Variants in BCAS3 observed in about 807,000 individuals in gnomAD.
BCAS3 encodes the protein BCAS4/BCAS3 fusion.
Under a neutral mutation model 116.1 loss-of-function variants are expected in BCAS3, and 53 were observed. The observed-to-expected ratio is 0.46, with a 90% CI of 0.37 to 0.57. The LOEUF is 0.57. Ranked by LOEUF, BCAS3 falls within the 20% of genes least tolerant of loss-of-function variation. The probability of loss-of-function intolerance (pLI) is 0.00; values close to 1 mark genes in which losing one functional copy is unlikely to be tolerated. For synonymous variants in BCAS3, 391 were observed against 408.2 expected (o/e 0.96, Z 0.51); for missense variants, 917 against 1,165.4 (o/e 0.79, Z 3.10).
rs188240751 is a variant in BCAS3, at chr17:61,362,255, G to T, written c.2426-6072G>T. Among the ~76,000 whole-genome samples, 6 of 152,306 alleles carry T rather than the reference G, an allele frequency of 3.9e-5. No individual in the cohort carries two copies. The East Asian group carries it at 1.2e-3, about 29-fold the overall frequency. Reference sequence around the variant, plus strand: ...CACTGGTTCCCCTCATCATGCCTGGGATCATTTCTTAGTTATTGTAGACGT... The same window carrying T: ...CACTGGTTCCCCTCATCATGCCTGGTATCATTTCTTAGTTATTGTAGACGT... On this transcript the variant is annotated intron_variant, in intron 22 of 23. Transcript: ENST00000407086. The surrounding 1 kb of genome is among the most constrained non-coding windows in gnomAD (Gnocchi z 4.4).
chr17:60,976,020 C>CTTTTTTTTTTTTATTTTTTTTTTTTTTT (rs2062329877), intron 14 of BCAS3, among the ~76,000 whole-genome samples: 1 of 98,284 alleles, frequency 1.0e-5, no homozygotes, highest in African/African-American at 4.2e-5. Flanking sequence ...TAGATTTTTG[C>CTTTTTTTTTTTTATTTTTTTTTTTTTTT]TTTTTTTTTT....
intron 22 of BCAS3, among the ~76,000 whole-genome samples, chr17:61,115,880 G>A (rs1009779923): frequency 1.3e-5 from 2 of 151,506 alleles, no homozygotes; most frequent in African/African-American, 4.9e-5. Context: ...AGAAAATGTG[G>A]CACATATACA....
intron 6 of BCAS3, among the ~76,000 whole-genome samples, chr17:60,796,866 T>C (rs951507608): frequency 6.6e-6 from 1 of 152,174 alleles, no homozygotes; most frequent in African/African-American, 2.4e-5. Flanking sequence ...AACTTTCCTC[T>C]TAGCACCGCC....
chr17:61,236,060 G>C (rs535989899), intron 22 of BCAS3, among the ~76,000 whole-genome samples: 5 of 152,156 alleles, frequency 3.3e-5, no homozygotes, highest in African/African-American at 9.7e-5. Flanking sequence ...CTGGATCTTC[G>C]TTTGTCAGGC....
At chr17:60,862,273 T>C (rs2054221079) in intron 7 of BCAS3, among the ~76,000 whole-genome samples, 1 of 152,100 alleles carries the variant, frequency 6.6e-6, no homozygotes, top group Non-Finnish European at 1.5e-5. Flanking sequence ...ACAGGGAGAC[T>C]CTGTCTCAAA....
chr17:60,752,903 G>A lies in BCAS3; in HGVS notation c.403+5624G>A, dbSNP rs535757307. 2.6e-5 allele frequency among the ~76,000 whole-genome samples: 4 copies of A among 152,234 alleles called. No individual in the cohort carries two copies. The South Asian group carries it at 8.3e-4, about 32-fold the overall frequency. On this transcript the variant is annotated intron_variant, in intron 6 of 23. Coordinates refer to ENST00000407086, the MANE Select transcript of BCAS3 (RefSeq NM_017679.5). The stretch of plus-strand genomic sequence containing the variant: ...TTTGTGGCCCAGGCTGGGATGCAGT[G>A]GTGTGATCCTAGCTCACTGAAGCCT...
In BCAS3 at chr17:61,259,758, A is replaced by G. The variant is rs866950736; in HGVS notation, c.2426-108569A>G. Among the ~76,000 whole-genome samples, 3 of 152,298 alleles carry G rather than the reference A, an allele frequency of 2.0e-5. No homozygotes were observed. In the Middle Eastern group the frequency reaches 0.01, roughly 518 times the overall value. The stretch of plus-strand genomic sequence containing the variant: ...AATCATATTGGAGATCTCCCTGGAC[A>G]TCAGACACTTGCTATCATTTCTGTT... On this transcript the variant is annotated intron_variant, in intron 22 of 23. Transcript: ENST00000407086. This position sits in a 1 kb window ranked among gnomAD's most constrained non-coding sequence, Gnocchi z 4.7.
At chr17:61,301,622 C>A (rs1038891344) in intron 22 of BCAS3, among the ~76,000 whole-genome samples, 1 of 152,122 alleles carries the variant, frequency 6.6e-6, no homozygotes, top group Non-Finnish European at 1.5e-5. Context: ...CAGTGAGAGA[C>A]TCTGTCTCAA....
rs1447601964 is a variant in BCAS3, at chr17:61,034,667, A to G, written c.1639A>G (p.Lys547Glu). 1 of 1,598,554 alleles carries G rather than the reference A, an allele frequency of 6.3e-7. No homozygotes were observed. Among genetic ancestry groups the G allele is most frequent in the Non-Finnish European group, 8.5e-7 (1 of 1,172,624 alleles). Residue 547 changes from lysine (K) to glutamate (E), a missense_variant and splice_region_variant, in exon 17 of 24, where the codon AAA becomes GAA. By Grantham distance (56) the Lys-to-Glu change is moderately conservative. Around this residue, in one of 3 missense-constraint regions of BCAS3, gnomAD observed 807 missense variants for 1,026.0 expected, o/e 0.79. Coordinates refer to ENST00000407086, the MANE Select transcript of BCAS3 (RefSeq NM_017679.5). This position sits in a 1 kb window ranked among gnomAD's most constrained non-coding sequence, Gnocchi z 5.0. Reference protein sequence around the residue: ...TLGTITKRTGKVKPPPQISPS... With the variant: ...TLGTITKRTGEVKPPPQISPS... ...TTTACTCTTATTTTATTTTTTAAGC[A>G]AAGTTAAACCTCCTCCACAAATTTC...
rs58062382 is a variant in BCAS3, at chr17:60,920,870, A to AAACAAC, written c.994-3490_994-3485dup. ...GGGCGACAGAGCAAGACTCCATCGC[A>AAACAAC]AACAACAACAACAACAACAACAACA... On this transcript the variant is annotated intron_variant, in intron 12 of 23. Coordinates refer to ENST00000407086, the MANE Select transcript of BCAS3 (RefSeq NM_017679.5). 9.6e-3 allele frequency among the ~76,000 whole-genome samples: 1,403 copies of AAACAAC among 146,638 alleles called. 8 individuals are homozygous for AAACAAC. Among genetic ancestry groups the AAACAAC allele is most frequent in the East Asian group, 0.012 (60 of 4,850 alleles).
chr17:61,236,746 GA>G (rs765055497), intron 22 of BCAS3, among the ~76,000 whole-genome samples: 1 of 152,052 alleles, frequency 6.6e-6, no homozygotes, highest in Non-Finnish European at 1.5e-5. Context: ...GTTGTAAGTG[GA>G]GGGATGATGG....
chr17:60,812,069 T>C (rs2048881853), intron 7 of BCAS3, among the ~76,000 whole-genome samples: 1 of 150,406 alleles, frequency 6.6e-6, no homozygotes, highest in African/African-American at 2.5e-5. Flanking sequence ...AAAAAAAAAG[T>C]TCATAAGTTG....
At position 61,126,942 on chromosome 17, in the gene BCAS3, A is replaced by G. The variant is rs2076076060; in HGVS notation, c.2425+42378A>G. Among the ~76,000 whole-genome samples, 2 of 152,308 alleles carry G rather than the reference A, an allele frequency of 1.3e-5. No homozygotes were observed. The highest frequency in any genetic ancestry group is 2.1e-4 in the South Asian group (1 of 4,826). On this transcript the variant is annotated intron_variant, in intron 22 of 23. Coordinates refer to ENST00000407086, the MANE Select transcript of BCAS3 (RefSeq NM_017679.5). This position sits in a 1 kb window ranked among gnomAD's most constrained non-coding sequence, Gnocchi z 4.6. ...GATTTCTTTCTGGGTTATTTTTCCA[A>G]GCGGGTAGTAGAACGCCCAAGGTTA...
rs2082157673 is a variant in BCAS3, at chr17:61,222,393, T to C, written c.2425+137829T>C. On this transcript the variant is annotated intron_variant, in intron 22 of 23. Transcript: ENST00000407086. This position sits in a 1 kb window ranked among gnomAD's most constrained non-coding sequence, Gnocchi z 6.1. ...CCTTTCTGGAGGCCTCAGTTTTCTC[T>C]GGAAACTGGGAGAGGTGGAGTAGAT... 1.3e-5 allele frequency among the ~76,000 whole-genome samples: 2 copies of C among 152,230 alleles called. No individual in the cohort carries two copies. The highest frequency in any genetic ancestry group is 4.8e-5 in the African/African-American group (2 of 41,466).
chr17:61,312,545 C>T (rs2054397133), intron 22 of BCAS3, among the ~76,000 whole-genome samples: 1 of 152,126 alleles, frequency 6.6e-6, no homozygotes, highest in South Asian at 2.1e-4. Context: ...CTTGCTCCAA[C>T]TTTTTTTTCT....
Position 61,256,449 on chromosome 17 carries a change from G to A in BCAS3, c.2426-111878G>A, listed in dbSNP as rs2048785928. ...CTCCTGAGTAGCTGGGATTACAGGC[G>A]TGGGCCACCATACCTGGCTAATTTT... On this transcript the variant is annotated intron_variant, in intron 22 of 23. Transcript: ENST00000407086. This position sits in a 1 kb window ranked among gnomAD's most constrained non-coding sequence, Gnocchi z 5.6. Among the ~76,000 whole-genome samples, 1 of 152,186 alleles carries A rather than the reference G, an allele frequency of 6.6e-6. No homozygotes were observed. Among genetic ancestry groups the A allele is most frequent in the African/African-American group, 2.4e-5 (1 of 41,526 alleles).
At chr17:60,734,765 TTC>T (rs2040803618) in intron 5 of BCAS3, among the ~76,000 whole-genome samples, 3 of 152,244 alleles carry the variant, frequency 2.0e-5, no homozygotes, top group African/African-American at 7.2e-5. Context: ...AGCATCAGTG[TTC>T]TGACTTTGCT....
intron 9 of BCAS3, among the ~76,000 whole-genome samples, chr17:60,879,105 C>T (rs1338918896): frequency 6.6e-6 from 1 of 151,956 alleles, no homozygotes; most frequent in African/African-American, 2.4e-5. Context: ...ATGTAGGGAG[C>T]AGGTGGGACA....
chr17:61,167,064 A>G (rs973798536), intron 22 of BCAS3, among the ~76,000 whole-genome samples: 1 of 152,184 alleles, frequency 6.6e-6, no homozygotes, highest in African/African-American at 2.4e-5. Flanking sequence ...TCCTTAAAGA[A>G]TCTATTTATT....
Sources: gnomAD v4.1 joint callset for allele counts (sites outside exome capture counted in the v4.1 genomes callset) on GRCh38, gnomAD v4.1.1 for gene constraint, gnomAD v4.1.1 regional missense constraint, Gnocchi (gnomAD v3.1) non-coding constraint, MANE v1.5 for transcripts, NCBI Gene and HGNC (gene_info 2026-07-23, HGNC 2026-07-21) for gene names.